The following CDK14 variants were observed in gnomAD, a reference collection of about 807,000 sequenced individuals.
CDK14 encodes the protein cyclin-dependent kinase 14.
A neutral mutation model predicts 60.7 loss-of-function variants in CDK14; 34 were observed. The observed-to-expected ratio is 0.56, with a 90% CI of 0.43 to 0.75. The LOEUF (loss-of-function observed/expected upper bound fraction) is 0.75. Ranked by LOEUF, CDK14 falls within the 30% of genes least tolerant of loss-of-function variation. The pLI is 0.00. For synonymous variants in CDK14, 197 were observed against 203.7 expected (o/e 0.97, Z 0.28); for missense variants, 482 against 564.1 (o/e 0.85, Z 1.47).
At chr7:90,908,840 A>G (rs1254076363) in intron 7 of CDK14, among the ~76,000 whole-genome samples, 1 of 152,100 alleles carries the variant, frequency 6.6e-6, no homozygotes, top group Non-Finnish European at 1.5e-5. Flanking sequence ...GTTACATCCT[A>G]TTTGAAATTA....
At chr7:90,725,373 A>ATATCTG (rs749570895) in intron 2 of CDK14, among the ~76,000 whole-genome samples, 6 of 152,148 alleles carry the variant, frequency 3.9e-5, no homozygotes, top group Admixed American at 1.3e-4. Context: ...GTCTGTATTT[A>ATATCTG]TATCTGTATC....
At chr7:90,966,809 A>C (rs917729116) in intron 9 of CDK14, among the ~76,000 whole-genome samples, 1 of 152,150 alleles carries the variant, frequency 6.6e-6, no homozygotes, top group Middle Eastern at 3.4e-3. Context: ...ACTTTTTCCA[A>C]GTTGCTGTAG....
At chr7:90,648,573 A>T (rs2116464142) in intron 2 of CDK14, among the ~76,000 whole-genome samples, 1 of 152,148 alleles carries the variant, frequency 6.6e-6, no homozygotes, top group Middle Eastern at 3.4e-3. Flanking sequence ...AGAGATTCAG[A>T]TCTCACCCAC....
At chr7:91,063,302 A>C (rs697411) in intron 11 of CDK14, among the ~76,000 whole-genome samples, 36,743 of 152,146 alleles carry the variant, frequency 0.24, 5,428 homozygotes, top group African/African-American at 0.41. Context: ...AAGAAAAAAA[A>C]CTTCGTTTCC....
At chr7:91,130,506 A>T (rs566340387) in intron 14 of CDK14, among the ~76,000 whole-genome samples, 6 of 152,270 alleles carry the variant, frequency 3.9e-5, no homozygotes, top group Non-Finnish European at 5.9e-5. Context: ...GCTCTATTTC[A>T]CAAGTGTCAT....
In CDK14 at chr7:90,692,703, T is replaced by TTA. The variant is rs1206672782; in HGVS notation, c.124-33855_124-33854dup. ...GCCCCAGGACTAGGGGAGGAATAAA[T>TTA]TATATATATAATTTATTTCCAAAGG... On this transcript the variant is annotated intron_variant, in intron 2 of 14. Coordinates refer to ENST00000380050, the MANE Select transcript of CDK14 (RefSeq NM_001287135.2). 1.3e-5 allele frequency: 12 copies of TTA among 951,788 alleles called. No homozygotes were observed. In the East Asian group the frequency reaches 1.0e-3, roughly 82 times the overall value. The allele number at this position is 951,788 out of a possible 1,614,324, so 59.0% of individuals were successfully genotyped here.
chr7:90,596,779 C>T, intron 1 of CDK14, 61 bp downstream of exon 1: 1 of 1,397,022 alleles, frequency 7.2e-7, no homozygotes, highest in Non-Finnish European at 1.0e-6. Flanking sequence ...GCGCCCCCGC[C>T]GCGTTCCTGG....
chr7:91,172,249 C>T (rs1268298850), intron 14 of CDK14, among the ~76,000 whole-genome samples: 4 of 152,288 alleles, frequency 2.6e-5, no homozygotes, highest in African/African-American at 7.2e-5. Context: ...TTATTATTTG[C>T]GTAGTTGCCC....
At chr7:90,797,511 C>G (rs545033260) in intron 5 of CDK14, among the ~76,000 whole-genome samples, 4 of 152,082 alleles carry the variant, frequency 2.6e-5, no homozygotes, top group Admixed American at 2.6e-4. Context: ...GGACACAGTT[C>G]AGCCCATAAC....
intron 12 of CDK14, among the ~76,000 whole-genome samples, chr7:91,100,545 C>T (rs1799122375): frequency 6.6e-6 from 1 of 152,140 alleles, no homozygotes; most frequent in South Asian, 2.1e-4. Flanking sequence ...ATGATAATGT[C>T]TGTATCAATG....
At chr7:90,676,300 G>A (rs1801196749) in intron 2 of CDK14, among the ~76,000 whole-genome samples, 1 of 152,152 alleles carries the variant, frequency 6.6e-6, no homozygotes, top group African/African-American at 2.4e-5. Flanking sequence ...GTCAGGAAGG[G>A]CGTCCCTGAG....
intron 2 of CDK14, among the ~76,000 whole-genome samples, chr7:90,618,988 T>A (rs1799710582): frequency 6.6e-6 from 1 of 152,214 alleles, no homozygotes; most frequent in Non-Finnish European, 1.5e-5. Context: ...CCAAGCTCAT[T>A]AAGTTAATAT....
chr7:90,668,696 A>ATTATTTTTT lies in CDK14; in HGVS notation c.124-57869_124-57868insATTTTTTTT, dbSNP rs1554431005. 4.1e-3 allele frequency among the ~76,000 whole-genome samples: 277 copies of ATTATTTTTT among 68,368 alleles called. 4 individuals carry two copies. Among genetic ancestry groups the ATTATTTTTT allele is most frequent in the Non-Finnish European group, 5.8e-3 (213 of 36,750 alleles). 44.9% of individuals were successfully genotyped at this position (68,368 alleles called of 152,430 possible). A position where few individuals can be genotyped will look rare whatever the true frequency, so the allele number is the denominator to read the frequency against. The stretch of plus-strand genomic sequence containing the variant: ...TTATATGGTGTAAGGAAGGACTCGC[A>ATTATTTTTT]TTCTTTTTTTTTTTTTTTTTTTTTT... On this transcript the variant is annotated intron_variant, in intron 2 of 14. Coordinates refer to ENST00000380050, the MANE Select transcript of CDK14 (RefSeq NM_001287135.2).
At chr7:90,966,379 C>T (rs1338205933) in intron 9 of CDK14, among the ~76,000 whole-genome samples, 1 of 152,044 alleles carries the variant, frequency 6.6e-6, no homozygotes, top group Admixed American at 6.6e-5. Flanking sequence ...CCCAATTAAC[C>T]GGTCAGTTCA....
At chr7:90,610,895 G>A (rs571882323) in intron 2 of CDK14, among the ~76,000 whole-genome samples, 2 of 152,062 alleles carry the variant, frequency 1.3e-5, no homozygotes, top group South Asian at 4.2e-4. Flanking sequence ...TGAATTTTTG[G>A]TGGACACAAT....
chr7:90,596,785 C>A, intron 1 of CDK14, 67 bp downstream of exon 1: 1 of 1,337,664 alleles, frequency 7.5e-7, no homozygotes, highest in Non-Finnish European at 1.1e-6. Flanking sequence ...CCGCCGCGTT[C>A]CTGGCACCAG....
intron 2 of CDK14, among the ~76,000 whole-genome samples, chr7:90,606,265 G>A (rs1005180955): frequency 6.6e-6 from 1 of 152,174 alleles, no homozygotes; most frequent in African/African-American, 2.4e-5. Context: ...AAGGCATGCC[G>A]GGGTATAATC....
intron 6 of CDK14, among the ~76,000 whole-genome samples, chr7:90,892,373 T>A (rs985144290): frequency 4.6e-5 from 7 of 152,224 alleles, no homozygotes; most frequent in Non-Finnish European, 8.8e-5. Flanking sequence ...TGTCTTTCAT[T>A]TTGAGCCTCA....
intron 10 of CDK14, among the ~76,000 whole-genome samples, chr7:90,994,472 A>C: frequency 6.6e-6 from 1 of 152,210 alleles, no homozygotes; most frequent in East Asian, 1.9e-4. Context: ...GGAAGGGGAC[A>C]TAGATCCCAT....
Sources: allele counts gnomAD v4.1 joint callset (sites outside exome capture counted in the v4.1 genomes callset), GRCh38; gene constraint gnomAD v4.1.1; transcripts MANE v1.5; gene names NCBI Gene and HGNC (gene_info 2026-07-23, HGNC 2026-07-21).